Variants in MYRIP observed in about 807,000 individuals in gnomAD.
MYRIP encodes rab effector MyRIP.
Under a neutral mutation model 98.0 loss-of-function variants are expected in MYRIP, and 49 were observed. The observed-to-expected ratio is 0.50, with a 90% confidence interval of 0.40 to 0.63. The LOEUF (loss-of-function observed/expected upper bound fraction) is 0.63, where lower values mean the gene tolerates loss of function less well. MYRIP is among the 30% of genes least tolerant of loss of function. MYRIP has a pLI of 0.00. For missense variants in MYRIP, 1,004 were observed against 1,058.2 expected, an observed-to-expected ratio of 0.95 and a Z score of 0.71; for synonymous variants, 404 against 409.5, an observed-to-expected ratio of 0.99 and a Z score of 0.16.
chr3:39,906,797 G>A (rs1174204190), intron 2 of MYRIP, among the ~76,000 whole-genome samples: 1 of 152,154 alleles, frequency 6.6e-6, no homozygotes, highest in Non-Finnish European at 1.5e-5. Context: ...AGGTACTGTT[G>A]GACAGCTTTT....
rs1329606065 is a variant in MYRIP, at chr3:40,247,562, C to T, written c.2263-2660C>T. ...CTTTTGAGATAGAGTCTCACTCTGTCGCCCAGGCTGGGATGCAATGGCACA... is the reference window on the plus strand; with the variant it reads ...CTTTTGAGATAGAGTCTCACTCTGTTGCCCAGGCTGGGATGCAATGGCACA... On this transcript the variant is annotated intron_variant, in intron 13 of 16. Transcript: ENST00000302541. 4.6e-5 allele frequency among the ~76,000 whole-genome samples: 7 copies of T among 152,294 alleles called. No homozygotes were observed. In the East Asian group the frequency reaches 7.7e-4, roughly 17 times the overall value.
intron 1 of MYRIP, among the ~76,000 whole-genome samples, chr3:39,853,565 T>C (rs1427168533): frequency 6.6e-6 from 1 of 152,202 alleles, no homozygotes; most frequent in Non-Finnish European, 1.5e-5. Context: ...TTTTGAGAAA[T>C]GGCTATTCAT....
At chr3:39,863,345 A>G (rs1421056556) in intron 1 of MYRIP, among the ~76,000 whole-genome samples, 1 of 152,140 alleles carries the variant, frequency 6.6e-6, no homozygotes, top group Non-Finnish European at 1.5e-5. Flanking sequence ...AAAACTATGC[A>G]AAAGATCAAC....
chr3:40,233,298 G>T (rs1952717039), intron 11 of MYRIP, among the ~76,000 whole-genome samples: 1 of 152,206 alleles, frequency 6.6e-6, no homozygotes, highest in South Asian at 2.1e-4. Context: ...AAATAGGTGT[G>T]TGAGTTAATA....
chr3:40,080,230 T>C (rs1326578198), intron 3 of MYRIP, among the ~76,000 whole-genome samples: 1 of 152,208 alleles, frequency 6.6e-6, no homozygotes, highest in Non-Finnish European at 1.5e-5. Flanking sequence ...TGAATTATAT[T>C]AATTAGTTTT....
rs955832996 is a variant in MYRIP, at chr3:39,887,140, A to G, written c.-30-13647A>G. 2.6e-5 allele frequency among the ~76,000 whole-genome samples: 4 copies of G among 152,222 alleles called. No homozygotes were observed. In the East Asian group the frequency reaches 5.8e-4, roughly 22 times the overall value. ...GAAATAAAGATGTTCTTTGAAACCA[A>G]CGAGAACAAAGACACAACATACCAG... On this transcript the variant is annotated intron_variant, in intron 1 of 16. Coordinates refer to ENST00000302541, the MANE Select transcript of MYRIP (RefSeq NM_015460.4).
At chr3:39,876,759 C>G (rs968116709) in intron 1 of MYRIP, among the ~76,000 whole-genome samples, 2 of 152,300 alleles carry the variant, frequency 1.3e-5, no homozygotes, top group Admixed American at 1.3e-4. Context: ...ACTTTTCTCT[C>G]TGGCTGCCCT....
At chr3:40,242,951 A>G (rs1953071703) in intron 12 of MYRIP, among the ~76,000 whole-genome samples, 2 of 152,090 alleles carry the variant, frequency 1.3e-5, no homozygotes, top group Non-Finnish European at 2.9e-5. Context: ...AATACTTATC[A>G]TTTCTTTCAT....
chr3:39,944,605 G>A (rs1295967867), intron 2 of MYRIP, among the ~76,000 whole-genome samples: 2 of 152,090 alleles, frequency 1.3e-5, no homozygotes, highest in African/African-American at 2.4e-5. Context: ...CTAGAGGACA[G>A]AATTTAAGAG....
intron 11 of MYRIP, among the ~76,000 whole-genome samples, chr3:40,215,716 A>G (rs975546654): frequency 2.6e-5 from 4 of 152,334 alleles, no homozygotes; most frequent in Middle Eastern, 3.4e-3. Flanking sequence ...CCTACAACCC[A>G]GGGAGCATTT....
chr3:40,224,982 A>G (rs1422081376), intron 11 of MYRIP, among the ~76,000 whole-genome samples: 1 of 152,208 alleles, frequency 6.6e-6, no homozygotes, highest in Non-Finnish European at 1.5e-5. Flanking sequence ...ACTGAAATAT[A>G]TTAGCATTGA....
At chr3:40,002,941 T>C (rs1475024569) in intron 2 of MYRIP, among the ~76,000 whole-genome samples, 2 of 151,940 alleles carry the variant, frequency 1.3e-5, no homozygotes, top group African/African-American at 4.8e-5. Flanking sequence ...TAGATATCTA[T>C]AGCTATATGT....
At chr3:40,081,062 G>GATTGT (rs1948469940) in intron 3 of MYRIP, among the ~76,000 whole-genome samples, 1 of 151,670 alleles carries the variant, frequency 6.6e-6, no homozygotes, top group African/African-American at 2.4e-5. Flanking sequence ...TTGTCTTTTT[G>GATTGT]CTATTGATTT....
chr3:40,001,504 C>G (rs904915834), intron 2 of MYRIP, among the ~76,000 whole-genome samples: 4 of 152,170 alleles, frequency 2.6e-5, no homozygotes, highest in African/African-American at 9.7e-5. Flanking sequence ...GCAGTTCTGT[C>G]TCATAAAGAA....
intron 2 of MYRIP, among the ~76,000 whole-genome samples, chr3:40,036,245 G>C (rs1047009360): frequency 5.2e-5 from 7 of 133,510 alleles, no homozygotes; most frequent in Non-Finnish European, 9.3e-5. Context: ...AGAGAAGTTA[G>C]AGTCTTCTAC....
intron 2 of MYRIP, among the ~76,000 whole-genome samples, chr3:39,981,909 G>C (rs955631865): frequency 6.6e-6 from 1 of 152,062 alleles, no homozygotes; most frequent in Non-Finnish European, 1.5e-5. Flanking sequence ...AAATAAAAGT[G>C]AACTGATTGG....
In MYRIP at chr3:39,847,682, C is replaced by T. The variant is rs528989887; in HGVS notation, c.-31+37766C>T. 2.6e-5 allele frequency among the ~76,000 whole-genome samples: 4 copies of T among 152,314 alleles called. No homozygotes were observed. The South Asian group carries it at 8.3e-4, about 32-fold the overall frequency. ...AGGCCTCTTGGCTGCCTGGCCTCCTCTCTCCAGTGGCATTGTCCTCATCTA... is the reference window on the plus strand; with the variant it reads ...AGGCCTCTTGGCTGCCTGGCCTCCTTTCTCCAGTGGCATTGTCCTCATCTA... On this transcript the variant is annotated intron_variant, in intron 1 of 16. Transcript: ENST00000302541.
chr3:39,856,159 G>C (rs545177276), intron 1 of MYRIP, among the ~76,000 whole-genome samples: 6 of 152,328 alleles, frequency 3.9e-5, no homozygotes, highest in African/African-American at 1.4e-4. Context: ...TACACTTTGG[G>C]AACTCACAGT....
At chr3:39,826,354 G>T (rs922121159) in intron 1 of MYRIP, among the ~76,000 whole-genome samples, 1 of 151,886 alleles carries the variant, frequency 6.6e-6, no homozygotes, top group African/African-American at 2.4e-5. Flanking sequence ...GTTTTGATAC[G>T]TTGTGTTTCT....
Sources: gnomAD v4.1 joint callset for allele counts (sites outside exome capture counted in the v4.1 genomes callset) on GRCh38, gnomAD v4.1.1 for gene constraint, MANE v1.5 for transcripts, NCBI Gene and HGNC (gene_info 2026-07-23, HGNC 2026-07-21) for gene names.